Variants in METAP2 observed in about 807,000 individuals in gnomAD.
The protein encoded by METAP2 is methionine aminopeptidase 2.
METAP2 carries 25 observed loss-of-function variants against 59.4 expected under a neutral mutation model. The observed-to-expected ratio is 0.42, with a 90% CI of 0.31 to 0.59. The LOEUF (loss-of-function observed/expected upper bound fraction) is 0.59. METAP2 is among the 20% of genes least tolerant of loss of function. The pLI is 0.16. For synonymous variants in METAP2, 214 were observed against 194.1 expected, an observed-to-expected ratio of 1.10 and a Z score of -0.85; for missense variants, 366 against 581.2, an observed-to-expected ratio of 0.63 and a Z score of 3.81.
intron 7 of METAP2, among the ~76,000 whole-genome samples, chr12:95,502,584 G>A (rs1035237334): frequency 6.6e-6 from 1 of 151,638 alleles, no homozygotes; most frequent in Non-Finnish European, 1.5e-5. Context: ...ATCTTTTTTT[G>A]AGTTCTTTGA....
intron 7 of METAP2, among the ~76,000 whole-genome samples, chr12:95,501,492 G>A (rs1191009098): frequency 3.9e-5 from 6 of 152,246 alleles, no homozygotes; most frequent in East Asian, 3.9e-4. Flanking sequence ...TGAGGCGGGC[G>A]GATCACGAGG....
intron 7 of METAP2, among the ~76,000 whole-genome samples, chr12:95,500,545 C>T (rs902017833): frequency 2.0e-5 from 3 of 152,194 alleles, no homozygotes; most frequent in African/African-American, 7.2e-5. Context: ...GCTTTTATTA[C>T]GTTGAGGTGG....
At chr12:95,485,239 A>T (rs1294502710) in intron 3 of METAP2, among the ~76,000 whole-genome samples, 1 of 152,198 alleles carries the variant, frequency 6.6e-6, no homozygotes, top group East Asian at 1.9e-4. Flanking sequence ...AATAAGTGGT[A>T]AAGGCTAGAC....
At chr12:95,502,558 G>T (rs904855189) in intron 7 of METAP2, among the ~76,000 whole-genome samples, 24 of 151,822 alleles carry the variant, frequency 1.6e-4, no homozygotes, top group Admixed American at 3.3e-4. Context: ...GTGTGTGGGG[G>T]GGTTTCTTTG....
intron 4 of METAP2, among the ~76,000 whole-genome samples, chr12:95,493,245 A>G (rs301043): frequency 0.35 from 53,236 of 152,104 alleles, 9,748 homozygotes; most frequent in African/African-American, 0.46. Context: ...GGAGGCTGAG[A>G]CAGGGGGATC....
chr12:95,477,385 C>T (rs2076128256), intron 2 of METAP2, among the ~76,000 whole-genome samples: 1 of 152,160 alleles, frequency 6.6e-6, no homozygotes, highest in Non-Finnish European at 1.5e-5. Context: ...GCTACTGTGT[C>T]CGGCCTGTTC....
chr12:95,513,808 A>G lies in METAP2; in HGVS notation c.1341A>G (p.Leu447=). ...DLGIVDPYPP[L]CDIKGSYTAQ... ...GCATTGTAGATCCATATCCACCATT[A>G]TGTGACATTAAAGGATCATATACAG... is the stretch of plus-strand genomic sequence containing the variant. The change falls in exon 11 of 11, where the codon TTA becomes TTG. Residue 447 remains leucine, a synonymous_variant. Transcript: ENST00000323666. The G allele has an allele frequency of 6.2e-7, 1 of 1,614,220 alleles. No individual in the cohort carries two copies. The highest frequency in any genetic ancestry group is 8.5e-7 in the Non-Finnish European group (1 of 1,180,038).
At chr12:95,505,481 C>T (rs1289145947) in intron 8 of METAP2, among the ~76,000 whole-genome samples, 2 of 151,914 alleles carry the variant, frequency 1.3e-5, no homozygotes, top group Non-Finnish European at 2.9e-5. Context: ...CCCACCACCA[C>T]GCCCGGCCAA....
chr12:95,501,632 T>C (rs2076316469), intron 7 of METAP2, among the ~76,000 whole-genome samples: 1 of 152,002 alleles, frequency 6.6e-6, no homozygotes, highest in Non-Finnish European at 1.5e-5. Flanking sequence ...GGAGAATGGC[T>C]TGTACCCAGG....
At chr12:95,513,010 A>G (rs2076414706) in intron 10 of METAP2, 94 bp downstream of exon 10, 1 of 685,488 alleles carries the variant, frequency 1.5e-6, no homozygotes, top group African/African-American at 1.8e-5. Flanking sequence ...ACAAAATAGT[A>G]TATTCATGAA....
intron 8 of METAP2, among the ~76,000 whole-genome samples, chr12:95,507,345 T>C (rs1165741964): frequency 1.3e-5 from 2 of 152,280 alleles, no homozygotes; most frequent in Non-Finnish European, 2.9e-5. Flanking sequence ...ATACAGTGCT[T>C]ATTCAGGCTC....
At chr12:95,503,960 C>T (rs1369254153) in intron 7 of METAP2, 105 bp from the exon 8 acceptor site, 2 of 764,510 alleles carry the variant, frequency 2.6e-6, no homozygotes, top group Non-Finnish European at 4.4e-6. Flanking sequence ...TTACAATGTA[C>T]AAAGCAGTTT....
intron 2 of METAP2, 74 bp downstream of exon 2, chr12:95,476,252 A>G (rs957502213): frequency 2.1e-6 from 2 of 931,748 alleles, no homozygotes; most frequent in African/African-American, 3.3e-5. Context: ...CACACCTGTA[A>G]TCCCAGCACT....
chr12:95,511,991 G>C lies in METAP2; in HGVS notation c.1061G>C (p.Arg354Thr). The C allele has an allele frequency of 6.2e-7, 1 of 1,609,302 alleles. No individual in the cohort carries two copies. The highest frequency in any genetic ancestry group is 8.5e-7 in the Non-Finnish European group (1 of 1,175,922). ...ATTGTGAAAGGAGGGGAGGCAACAA[G>C]AATGGAGGTATGTGTGTCACTAACA... The part of the protein sequence containing the change: ...VPIVKGGEAT[R>T]MEEGEVYAIE... The change falls in exon 9 of 11, where the codon AGA becomes ACA. Residue 354 changes from arginine to threonine, a missense_variant. Physicochemically the swap from Arg to Thr is moderately conservative, Grantham distance 71 (BLOSUM62 -1). This residue lies in a region of METAP2 where 82 missense variants were observed against 156.2 expected (regional missense o/e 0.52). Coordinates refer to ENST00000323666, the MANE Select transcript of METAP2 (RefSeq NM_006838.4).
rs67031623 is a variant in METAP2 at position 95,490,566 on chromosome 12, A to AT, written c.429-3469dup. Among the ~76,000 whole-genome samples, 526 of 102,794 alleles carry AT rather than the reference A, an allele frequency of 5.1e-3. 8 individuals are homozygous for AT. Among genetic ancestry groups the AT allele is most frequent in the Middle Eastern group, 0.011 (2 of 186 alleles). 67.4% of individuals were successfully genotyped at this position (102,794 alleles called of 152,430 possible). A position where few individuals can be genotyped will look rare whatever the true frequency, so the allele number is the denominator to read the frequency against. ...TTCTCACACATAGCTTGAAGCCTGT[A>AT]TTTTTTTTTTTTTTTTTTTTTGAGA... On this transcript the variant is annotated intron_variant, in intron 4 of 10. Transcript: ENST00000323666.
intron 4 of METAP2, among the ~76,000 whole-genome samples, chr12:95,490,173 CCCA>C (rs1470769319): frequency 2.0e-5 from 3 of 150,224 alleles, no homozygotes; most frequent in Non-Finnish European, 4.4e-5. Context: ...GTGATCATAG[CCCA>C]CTGTAGCCTG....
chr12:95,511,199 G>A (rs953978024), intron 8 of METAP2, among the ~76,000 whole-genome samples: 2 of 151,960 alleles, frequency 1.3e-5, no homozygotes, highest in Non-Finnish European at 2.9e-5. Flanking sequence ...TTATAATACT[G>A]TCATATTAAC....
chr12:95,502,872 T>C (rs1378286586), intron 7 of METAP2, among the ~76,000 whole-genome samples: 2 of 151,992 alleles, frequency 1.3e-5, no homozygotes, highest in African/African-American at 2.4e-5. Flanking sequence ...TTTCAGTTAC[T>C]GTACTTTTCA....
At chr12:95,476,562 C>G (rs749304836) in intron 2 of METAP2, among the ~76,000 whole-genome samples, 1 of 145,756 alleles carries the variant, frequency 6.9e-6, no homozygotes, top group Non-Finnish European at 1.5e-5. Flanking sequence ...TGTGATATTC[C>G]TTAATCAAAA....
Sources: allele counts gnomAD v4.1 joint callset (sites outside exome capture counted in the v4.1 genomes callset), GRCh38; gene constraint gnomAD v4.1.1; regional missense constraint gnomAD v4.1.1; transcripts MANE v1.5; gene names NCBI Gene and HGNC (gene_info 2026-07-23, HGNC 2026-07-21).